Variants in CNTN4 observed in about 807,000 individuals in gnomAD.
CNTN4 encodes contactin-4.
CNTN4 carries 77 observed loss-of-function variants against 122.5 expected under a neutral mutation model. That is an observed-to-expected ratio of 0.63 (90% CI 0.52 to 0.76). The LOEUF is 0.76. CNTN4 is among the 30% of genes least tolerant of loss of function. CNTN4 has a pLI of 0.00. For missense variants in CNTN4, 1,256 were observed against 1,259.1 expected (o/e 1.00, Z 0.04); for synonymous variants, 512 against 447.0 (o/e 1.15, Z -1.83).
At chr3:2,934,498 T>C (rs2094551212) in intron 13 of CNTN4, among the ~76,000 whole-genome samples, 1 of 152,228 alleles carries the variant, frequency 6.6e-6, no homozygotes, top group African/African-American at 2.4e-5. Context: ...GAAACCCAGG[T>C]CCAAAGACGC....
At chr3:2,393,324 T>G (rs1357348760) in intron 3 of CNTN4, among the ~76,000 whole-genome samples, 1 of 152,194 alleles carries the variant, frequency 6.6e-6, no homozygotes, top group Non-Finnish European at 1.5e-5. Context: ...GGTCACATTC[T>G]GAGCTGCTGA....
intron 3 of CNTN4, among the ~76,000 whole-genome samples, chr3:2,398,476 A>G (rs1327703387): frequency 6.6e-6 from 1 of 152,148 alleles, no homozygotes; most frequent in Non-Finnish European, 1.5e-5. Flanking sequence ...AAAAATTAAT[A>G]CTTTTCCAAA....
At chr3:2,832,927 T>TA (rs2093134503) in intron 7 of CNTN4, among the ~76,000 whole-genome samples, 1 of 151,622 alleles carries the variant, frequency 6.6e-6, no homozygotes, top group Admixed American at 6.6e-5. Context: ...TAGAGTTAAA[T>TA]AAAAAATAAA....
At chr3:2,882,728 A>G in intron 8 of CNTN4, 1 of 196,116 alleles carries the variant, frequency 5.1e-6, no homozygotes. Flanking sequence ...ATTTTATTAT[A>G]TAGACATAAT....
chr3:2,241,198 T>C (rs534957958), intron 2 of CNTN4, among the ~76,000 whole-genome samples: 1 of 152,270 alleles, frequency 6.6e-6, no homozygotes, highest in African/African-American at 2.4e-5. Context: ...ATAGAGCACT[T>C]AGGTCTACTT....
At position 2,983,213 on chromosome 3, in the gene CNTN4, C is replaced by CAA. The variant is rs57079892; in HGVS notation, c.1359-5091_1359-5090dup. Reference sequence around the variant, plus strand: ...TGGGTGACAGAGCGAGACTCCATCTCAAAAAAAAAAAAAAAAAAAAAAAAA... The same window carrying CAA: ...TGGGTGACAGAGCGAGACTCCATCTCAAAAAAAAAAAAAAAAAAAAAAAAAAA... On this transcript the variant is annotated intron_variant, in intron 13 of 24. Coordinates refer to ENST00000418658, the MANE Select transcript of CNTN4 (RefSeq NM_175607.3). Among the ~76,000 whole-genome samples the CAA allele has an allele frequency of 4.7e-4, 9 of 19,016 alleles. 1 individual carries two copies. Among genetic ancestry groups the CAA allele is most frequent in the Non-Finnish European group, 8.2e-4 (8 of 9,784 alleles). The allele number at this position is 19,016 out of a possible 152,430, so 12.5% of individuals were successfully genotyped here. A position where few individuals can be genotyped will look rare whatever the true frequency, so the allele number is the denominator to read the frequency against.
At chr3:2,665,394 A>G (rs2084101240) in intron 4 of CNTN4, among the ~76,000 whole-genome samples, 1 of 152,188 alleles carries the variant, frequency 6.6e-6, no homozygotes, top group Non-Finnish European at 1.5e-5. Flanking sequence ...TCAAACACAA[A>G]TCAGAATAGG....
chr3:2,722,517 G>C (rs115333419), intron 4 of CNTN4, among the ~76,000 whole-genome samples: 5,885 of 152,284 alleles, frequency 0.039, 170 homozygotes, highest in Non-Finnish European at 0.056. Context: ...AGGATCATTT[G>C]ATAGCGAAAT....
rs140687634 is a variant in CNTN4, at chr3:2,500,890, C to G, written c.-88-70526C>G. Among the ~76,000 whole-genome samples the G allele has an allele frequency of 2.9e-3, 441 of 152,200 alleles. 2 individuals carry two copies. Among genetic ancestry groups the G allele is most frequent in the African/African-American group, 0.01 (423 of 41,544 alleles). ...TGTCAAGATAAGGAACATTTTCTTC[C>G]CTGCAGAAAGTTCCTCATGTCCCAC... On this transcript the variant is annotated intron_variant, in intron 3 of 24. Coordinates refer to ENST00000418658, the MANE Select transcript of CNTN4 (RefSeq NM_175607.3).
At chr3:2,899,390 C>T (rs910314239) in intron 10 of CNTN4, among the ~76,000 whole-genome samples, 19 of 152,126 alleles carry the variant, frequency 1.2e-4, no homozygotes, top group African/African-American at 4.6e-4. Flanking sequence ...CTGATATCAA[C>T]TTTGATTATT....
chr3:2,191,816 G>C (rs1357424196), intron 2 of CNTN4, among the ~76,000 whole-genome samples: 5 of 151,914 alleles, frequency 3.3e-5, no homozygotes, highest in East Asian at 1.9e-4. Flanking sequence ...TGCCATGTTG[G>C]TGTGCTGCAC....
rs773692221 is a variant in CNTN4 at position 2,878,551 on chromosome 3, CTCTG to C, written c.653-4592_653-4589del. 1.2e-3 allele frequency among the ~76,000 whole-genome samples: 76 copies of C among 64,940 alleles called. No individual in the cohort carries two copies. In the Middle Eastern group the frequency reaches 0.026, roughly 22 times the overall value. 42.6% of individuals were successfully genotyped at this position (64,940 alleles called of 152,430 possible). ...GTAAGAGAACAACAGAAGAGATGCT[CTCTG>C]TGTGTGTGTGTGTGTGTGTGTGTGT... On this transcript the variant is annotated intron_variant, in intron 8 of 24. Transcript: ENST00000418658.
At chr3:3,037,008 C>G (rs559101544) in intron 17 of CNTN4, among the ~76,000 whole-genome samples, 171 bp from the exon 18 acceptor site, 1 of 152,240 alleles carries the variant, frequency 6.6e-6, no homozygotes, top group East Asian at 1.9e-4. Flanking sequence ...AGAGATAGTT[C>G]TGAGATTACC....
At position 2,763,001 on chromosome 3, in the gene CNTN4, G is replaced by GCT. The variant is rs542871804; in HGVS notation, c.358+17306_358+17307dup. On this transcript the variant is annotated intron_variant, in intron 6 of 24. Transcript: ENST00000418658. ...GTGTCGCGCAGGCTGGAGTGCAGTG[G>GCT]CTCGATCTCAGCTCTCCACAAGCTC... Among the ~76,000 whole-genome samples the GCT allele has an allele frequency of 4.5e-4, 65 of 145,266 alleles. No individual in the cohort carries two copies. The Middle Eastern group carries it at 0.011, about 25-fold the overall frequency.
chr3:2,570,582 C>A (rs955795226), intron 3 of CNTN4, among the ~76,000 whole-genome samples: 1 of 152,148 alleles, frequency 6.6e-6, no homozygotes, highest in Non-Finnish European at 1.5e-5. Flanking sequence ...GCCCCTGCAA[C>A]CCTGGATCTG....
At chr3:2,241,219 G>A (rs1559371448) in intron 2 of CNTN4, among the ~76,000 whole-genome samples, 1 of 152,038 alleles carries the variant, frequency 6.6e-6, no homozygotes, top group Non-Finnish European at 1.5e-5. Context: ...ATTTTCAGAG[G>A]CCAGTGTACT....
intron 4 of CNTN4, among the ~76,000 whole-genome samples, chr3:2,612,140 A>T (rs1001525862): frequency 1.4e-4 from 20 of 142,750 alleles, no homozygotes; most frequent in African/African-American, 4.9e-4. Flanking sequence ...ACACACACAC[A>T]ACAGACAGAG....
chr3:2,482,107 G>A (rs2076022952), intron 3 of CNTN4, among the ~76,000 whole-genome samples: 2 of 152,170 alleles, frequency 1.3e-5, no homozygotes, highest in Non-Finnish European at 2.9e-5. Context: ...TCAGAAGACA[G>A]GAAGATACGA....
At chr3:3,013,133 T>C (rs1021171533) in intron 14 of CNTN4, among the ~76,000 whole-genome samples, 3 of 152,108 alleles carry the variant, frequency 2.0e-5, no homozygotes, top group African/African-American at 7.2e-5. Flanking sequence ...CTCTTTATGT[T>C]TTATGAAGCA....
Sources: gnomAD v4.1 joint callset for allele counts (sites outside exome capture counted in the v4.1 genomes callset) on GRCh38, gnomAD v4.1.1 for gene constraint, MANE v1.5 for transcripts, NCBI Gene and HGNC (gene_info 2026-07-23, HGNC 2026-07-21) for gene names.